Variants in ZNF710 observed in about 807,000 individuals in gnomAD.
The protein encoded by ZNF710 is zinc finger protein 710.
In ZNF710, 13 loss-of-function variants were observed where a neutral mutation model predicts 50.6. The observed-to-expected ratio is 0.26, with a 90% CI of 0.17 to 0.41. The LOEUF is 0.41. Among genes scored for constraint, ZNF710 ranks in the 10% least tolerant of loss-of-function variants. The pLI is 1.00. For synonymous variants in ZNF710, 383 were observed against 397.0 expected, an observed-to-expected ratio of 0.96 and a Z score of 0.42; for missense variants, 721 against 936.6, an observed-to-expected ratio of 0.77 and a Z score of 3.01.
chr15:90,074,312 G>A (rs1900512200), intron 4 of ZNF710, 22 bp downstream of exon 4: 1 of 1,609,810 alleles, frequency 6.2e-7, no homozygotes, highest in African/African-American at 1.3e-5. Flanking sequence ...AAGCGCAATG[G>A]ACAGAGCAGG....
intron 1 of ZNF710, among the ~76,000 whole-genome samples, chr15:90,058,010 G>A (rs1299565875): frequency 6.6e-6 from 1 of 152,146 alleles, no homozygotes; most frequent in Non-Finnish European, 1.5e-5. Flanking sequence ...TCCTCACACA[G>A]GGGCCACCCT....
intron 1 of ZNF710, among the ~76,000 whole-genome samples, chr15:90,007,088 A>G (rs531451597): frequency 2.6e-5 from 4 of 152,284 alleles, no homozygotes; most frequent in Non-Finnish European, 5.9e-5. Context: ...GGGCTGAACC[A>G]TCAGAGCTTT....
At chr15:90,018,234 T>C (rs1898509913) in intron 1 of ZNF710, among the ~76,000 whole-genome samples, 1 of 151,000 alleles carries the variant, frequency 6.6e-6, no homozygotes, top group Non-Finnish European at 1.5e-5. Flanking sequence ...AGTGGCGTGA[T>C]CTCGACTCAC....
intron 1 of ZNF710, among the ~76,000 whole-genome samples, chr15:90,015,548 A>G (rs1477109472): frequency 6.6e-6 from 1 of 152,140 alleles, no homozygotes; most frequent in Admixed American, 6.6e-5. Context: ...AATGTCCGTC[A>G]CTAGAGAACT....
chr15:90,067,072 T>C lies in ZNF710; in HGVS notation c.-28-38T>C. On this transcript the variant is annotated intron_variant, in intron 1 of 4. Coordinates refer to ENST00000268154, the MANE Select transcript of ZNF710 (RefSeq NM_198526.4). This position sits in a 1 kb window ranked among gnomAD's most constrained non-coding sequence, Gnocchi z 8.1. ...TGTCTGTTGTCTGTCTGTGCAGGAG[T>C]GAGCCAGCAATATTAACCTTCCCTT... 6.5e-7 allele frequency: 1 copy of C among 1,527,324 alleles called. No individual in the cohort carries two copies. Among genetic ancestry groups the C allele is most frequent in the Non-Finnish European group, 8.8e-7 (1 of 1,137,610 alleles). The allele number at this position is 1,527,324 out of a possible 1,614,324, so 94.6% of individuals were successfully genotyped here.
intron 1 of ZNF710, among the ~76,000 whole-genome samples, chr15:90,023,909 A>G (rs1452180849): frequency 1.3e-5 from 2 of 152,050 alleles, no homozygotes; most frequent in African/African-American, 4.8e-5. Context: ...TAAGATAGGC[A>G]GATCACTTGA....
intron 1 of ZNF710, among the ~76,000 whole-genome samples, chr15:90,023,272 AG>A (rs1355920608): frequency 2.0e-5 from 3 of 152,008 alleles, no homozygotes; most frequent in African/African-American, 7.3e-5. Flanking sequence ...CTACAGAGGT[AG>A]GTGAGCCACT....
chr15:90,027,249 C>T (rs1352498510), intron 1 of ZNF710, among the ~76,000 whole-genome samples: 2 of 151,722 alleles, frequency 1.3e-5, no homozygotes, highest in East Asian at 1.9e-4. Context: ...CTTGCTCTGT[C>T]GCCCAGGCTG....
At chr15:90,048,348 G>C (rs1899532431) in intron 1 of ZNF710, among the ~76,000 whole-genome samples, 1 of 152,218 alleles carries the variant, frequency 6.6e-6, no homozygotes, top group African/African-American at 2.4e-5. Flanking sequence ...CCAGAGCTGG[G>C]GGCATTTGGA....
chr15:90,016,725 G>GT (rs979618435), intron 1 of ZNF710, among the ~76,000 whole-genome samples: 5 of 152,170 alleles, frequency 3.3e-5, no homozygotes, highest in Non-Finnish European at 4.4e-5. Context: ...CTGGCCTCTT[G>GT]TTTTTTTTAA....
At chr15:90,028,154 A>G (rs1017163192) in intron 1 of ZNF710, among the ~76,000 whole-genome samples, 6 of 152,250 alleles carry the variant, frequency 3.9e-5, no homozygotes, top group Non-Finnish European at 5.9e-5. Flanking sequence ...TTGAAAGTAT[A>G]TAACAGTAAA....
At chr15:90,042,404 A>G (rs1307021812) in intron 1 of ZNF710, among the ~76,000 whole-genome samples, 1 of 150,216 alleles carries the variant, frequency 6.7e-6, no homozygotes, top group African/African-American at 2.5e-5. Context: ...AGGGCTCCGG[A>G]CTGGTCCTTG....
chr15:90,011,801 C>T (rs1898311350), intron 1 of ZNF710, among the ~76,000 whole-genome samples: 1 of 151,970 alleles, frequency 6.6e-6, no homozygotes, highest in Non-Finnish European at 1.5e-5. Flanking sequence ...ATAATGGCTT[C>T]ATCCTTACTC....
chr15:90,073,544 G>A (rs551001060), intron 3 of ZNF710, among the ~76,000 whole-genome samples: 1 of 152,282 alleles, frequency 6.6e-6, no homozygotes, highest in Admixed American at 6.5e-5. Context: ...AGTGCAGCTA[G>A]AGATCCAAGC....
In ZNF710 at chr15:90,079,701, G is replaced by A. The variant is rs138919638; in HGVS notation, c.1867G>A (p.Asp623Asn). The change falls in exon 5 of 5, where the codon GAC becomes AAC. Residue 623 changes from aspartate to asparagine, a missense_variant. Coordinates refer to ENST00000268154, the MANE Select transcript of ZNF710 (RefSeq NM_198526.4). ...ELTGTDPSEL[D>N]GQQEMEDFEE... is the part of the protein sequence containing the mutation. ...GACAGGCACTGACCCTTCAGAGCTCGACGGCCAGCAGGAGATGGAGGACTT... is the reference window on the plus strand; with the variant it reads ...GACAGGCACTGACCCTTCAGAGCTCAACGGCCAGCAGGAGATGGAGGACTT... 1.3e-5 allele frequency: 21 copies of A among 1,613,812 alleles called. No individual in the cohort carries two copies. In the African/African-American group the frequency reaches 1.9e-4, roughly 14 times the overall value.
Position 90,074,004 on chromosome 15 carries a change from A to AC in ZNF710, c.1651-112_1651-111insC, listed in dbSNP as rs368475344. The AC allele has an allele frequency of 8.6e-4, 1,045 of 1,214,060 alleles. 25 individuals carry two copies. The African/African-American group carries it at 0.015, about 18-fold the overall frequency. 75.2% of individuals were successfully genotyped at this position (1,214,060 alleles called of 1,614,324 possible). A position where few individuals can be genotyped will look rare whatever the true frequency, so the allele number is the denominator to read the frequency against. On this transcript the variant is annotated intron_variant, in intron 3 of 4. Transcript: ENST00000268154. The stretch of plus-strand genomic sequence containing the variant: ...GAGTCTGTCTCAAAAAAAAAACAAA[A>AC]AAAAAAAACAAAAGAATAGGATTCT...
At chr15:90,031,079 A>G (rs1898935955) in intron 1 of ZNF710, among the ~76,000 whole-genome samples, 3 of 151,738 alleles carry the variant, frequency 2.0e-5, no homozygotes, top group Admixed American at 2.0e-4. Flanking sequence ...GGATACCAAC[A>G]AATACAAAAT....
chr15:90,068,245 ATGC>A lies in ZNF710; in HGVS notation c.1115_1117del (p.Leu372del). 6.2e-7 allele frequency: 1 copy of A among 1,613,420 alleles called. No homozygotes were observed. The highest frequency in any genetic ancestry group is 8.5e-7 in the Non-Finnish European group (1 of 1,179,964). On this transcript the variant is annotated inframe_deletion, in exon 2 of 5. Coordinates refer to ENST00000268154, the MANE Select transcript of ZNF710 (RefSeq NM_198526.4). This position sits in a 1 kb window ranked among gnomAD's most constrained non-coding sequence, Gnocchi z 5.0. The stretch of plus-strand genomic sequence containing the variant: ...GCAGACCAGCCACCTCAAGCGCCAC[ATGC>A]TGCTGCACTCGGAGGTCAAGCCCTA...
intron 2 of ZNF710, 127 bp from the exon 3 acceptor site, chr15:90,072,944 A>T (rs1306369493): frequency 2.0e-6 from 2 of 998,170 alleles, no homozygotes; most frequent in African/African-American, 3.3e-5. Flanking sequence ...ACCCTCAAAA[A>T]GAGACATTTC....
Sources: allele counts gnomAD v4.1 joint callset (sites outside exome capture counted in the v4.1 genomes callset), GRCh38; gene constraint gnomAD v4.1.1; non-coding constraint Gnocchi (gnomAD v3.1); transcripts MANE v1.5; gene names NCBI Gene and HGNC (gene_info 2026-07-23, HGNC 2026-07-21).